EXOC4: variants seen among roughly 807,000 people sequenced by gnomAD.
EXOC4 encodes the protein exocyst complex component 4, also known as SEC8-like 1.
EXOC4 carries 71 observed loss-of-function variants against 107.2 expected under a neutral mutation model. The ratio of observed to expected loss-of-function variants is 0.66; its 90% CI spans 0.55 to 0.81. The LOEUF (loss-of-function observed/expected upper bound fraction) is 0.81. Among genes scored for constraint, EXOC4 ranks in the 30% least tolerant of loss-of-function variants. EXOC4 has a pLI of 0.00. For synonymous variants in EXOC4, 456 were observed against 441.2 expected, an observed-to-expected ratio of 1.03 and a Z score of -0.42; for missense variants, 1,108 against 1,189.6, an observed-to-expected ratio of 0.93 and a Z score of 1.01.
chr7:133,910,142 A>T (rs1799658734), intron 12 of EXOC4, among the ~76,000 whole-genome samples: 1 of 152,084 alleles, frequency 6.6e-6, no homozygotes, highest in African/African-American at 2.4e-5. Context: ...GGCTGGTCTC[A>T]AACTCCTGAC....
At chr7:133,397,495 A>G (rs1210183985) in intron 7 of EXOC4, among the ~76,000 whole-genome samples, 1 of 152,058 alleles carries the variant, frequency 6.6e-6, no homozygotes, top group African/African-American at 2.4e-5. Context: ...ATTAGTTCTT[A>G]GGCATTAAGG....
At chr7:133,353,057 T>C (rs996391828) in intron 5 of EXOC4, among the ~76,000 whole-genome samples, 3 of 152,114 alleles carry the variant, frequency 2.0e-5, no homozygotes, top group African/African-American at 2.4e-5. Context: ...AAAAACAAAA[T>C]GTGGATTTAT....
At chr7:133,563,481 A>G (rs1800847942) in intron 9 of EXOC4, among the ~76,000 whole-genome samples, 1 of 152,140 alleles carries the variant, frequency 6.6e-6, no homozygotes, top group South Asian at 2.1e-4. Context: ...GGTCACATGC[A>G]TTTGCTTGTG....
chr7:134,090,309 C>T, the EXOC4 span, among the ~76,000 whole-genome samples: 1 of 152,190 alleles, frequency 6.6e-6, no homozygotes. Flanking sequence ...CAAGGACATA[C>T]TTGGAAACCT....
At chr7:133,723,454 T>C (rs1353375551) in intron 10 of EXOC4, among the ~76,000 whole-genome samples, 1 of 151,460 alleles carries the variant, frequency 6.6e-6, no homozygotes, top group Non-Finnish European at 1.5e-5. Context: ...TTACCTCTTG[T>C]ACTTGATGGG....
chr7:133,903,281 T>G (rs1040684636), intron 12 of EXOC4, among the ~76,000 whole-genome samples: 23 of 152,338 alleles, frequency 1.5e-4, no homozygotes, highest in African/African-American at 5.5e-4. Flanking sequence ...AGCAGCATGA[T>G]CTTACATATA....
chr7:133,765,330 G>A (rs1343625792), intron 10 of EXOC4, among the ~76,000 whole-genome samples: 2 of 151,956 alleles, frequency 1.3e-5, no homozygotes, highest in Non-Finnish European at 2.9e-5. Flanking sequence ...AGAATAACAT[G>A]TATGACACAA....
intron 7 of EXOC4, among the ~76,000 whole-genome samples, chr7:133,437,586 C>T (rs937987904): frequency 2.0e-5 from 3 of 152,144 alleles, no homozygotes; most frequent in East Asian, 1.9e-4. Flanking sequence ...ATTTTAAGAT[C>T]GATAGGATAT....
chr7:133,536,320 C>T (rs1800268711), intron 9 of EXOC4, among the ~76,000 whole-genome samples: 1 of 152,058 alleles, frequency 6.6e-6, no homozygotes, highest in Non-Finnish European at 1.5e-5. Flanking sequence ...CCTCTGTTTG[C>T]CCCTCCCTCC....
chr7:133,994,270 G>A (rs756816771), intron 14 of EXOC4, among the ~76,000 whole-genome samples: 2 of 152,132 alleles, frequency 1.3e-5, no homozygotes, highest in Admixed American at 6.6e-5. Flanking sequence ...CAGCTTCATC[G>A]ATGTCCCTGC....
chr7:133,857,165 T>C (rs12537315), intron 11 of EXOC4, among the ~76,000 whole-genome samples: 2 of 12,242 alleles, frequency 1.6e-4, no homozygotes, highest in South Asian at 3.6e-3. Flanking sequence ...TATATATATA[T>C]ATATATATAT....
In EXOC4 at chr7:133,658,210, C is replaced by T. The variant is rs182779653; in HGVS notation, c.1514+28069C>T. On this transcript the variant is annotated intron_variant, in intron 10 of 17. Coordinates refer to ENST00000253861, the MANE Select transcript of EXOC4 (RefSeq NM_021807.4). Reference sequence around the variant, plus strand: ...AGAGCGAGAGAGATCCCAATACATCCGTGAGGACTGTTTGAGTCTAAGATC... The same window carrying T: ...AGAGCGAGAGAGATCCCAATACATCTGTGAGGACTGTTTGAGTCTAAGATC... Among the ~76,000 whole-genome samples the T allele has an allele frequency of 3.7e-3, 565 of 152,198 alleles. 4 individuals carry two copies. Among genetic ancestry groups the T allele is most frequent in the African/African-American group, 0.013 (527 of 41,552 alleles).
chr7:133,330,495 T>C (rs1795356643), intron 5 of EXOC4, among the ~76,000 whole-genome samples: 1 of 152,172 alleles, frequency 6.6e-6, no homozygotes, highest in Non-Finnish European at 1.5e-5. Flanking sequence ...TGCAGCTAGC[T>C]CAGTGTCTGC....
intron 17 of EXOC4, among the ~76,000 whole-genome samples, chr7:134,009,084 A>G (rs1045513461): frequency 3.3e-5 from 5 of 152,230 alleles, no homozygotes; most frequent in Non-Finnish European, 7.3e-5. Flanking sequence ...TTTGAAGATG[A>G]TAGATGATAA....
chr7:134,086,884 A>G, the EXOC4 span, among the ~76,000 whole-genome samples: 2 of 152,268 alleles, frequency 1.3e-5, no homozygotes, highest in African/African-American at 2.4e-5. Flanking sequence ...TTTTTAGACC[A>G]TATAGGGGAA....
At position 133,971,373 on chromosome 7, in the gene EXOC4, G is replaced by T. The variant is rs901184315; in HGVS notation, c.2207-26119G>T. On this transcript the variant is annotated intron_variant, in intron 14 of 17. Transcript: ENST00000253861. ...ATATATATATATATAGAGAGAGAGA[G>T]AGAGAGAGAGAGAGAGAGAGAGAGA... is the stretch of plus-strand genomic sequence containing the variant. 4.8e-3 allele frequency among the ~76,000 whole-genome samples: 589 copies of T among 121,748 alleles called. 1 individual carries two copies. The highest frequency in any genetic ancestry group is 0.014 in the East Asian group (54 of 3,760). 79.9% of individuals were successfully genotyped at this position (121,748 alleles called of 152,430 possible).
intron 7 of EXOC4, among the ~76,000 whole-genome samples, chr7:133,436,059 T>TG (rs1322254161): frequency 3.1e-4 from 45 of 146,604 alleles, no homozygotes; most frequent in East Asian, 1.0e-3. Flanking sequence ...TTTTTTTTTT[T>TG]TTGTTTTTTT....
chr7:133,431,247 T>G (rs749512111), intron 7 of EXOC4, among the ~76,000 whole-genome samples: 3 of 152,244 alleles, frequency 2.0e-5, no homozygotes, highest in Admixed American at 1.3e-4. Context: ...ATAGCTGTGC[T>G]TTGGGGGTTT....
rs528795273 is a variant in EXOC4 at position 133,458,825 on chromosome 7, A to G, written c.1183-16503A>G. ...TGGTACTTCTGCATGTTTAATTAAG[A>G]TGTTTAGTTCTTGTCAAGGCTGATA... On this transcript the variant is annotated intron_variant, in intron 7 of 17. Coordinates refer to ENST00000253861, the MANE Select transcript of EXOC4 (RefSeq NM_021807.4). Among the ~76,000 whole-genome samples, 316 of 152,262 alleles carry G rather than the reference A, an allele frequency of 2.1e-3. 1 individual carries two copies. The highest frequency in any genetic ancestry group is 6.9e-3 in the African/African-American group (288 of 41,540).
Sources: gnomAD v4.1 joint callset for allele counts (sites outside exome capture counted in the v4.1 genomes callset) on GRCh38, gnomAD v4.1.1 for gene constraint, MANE v1.5 for transcripts, NCBI Gene and HGNC (gene_info 2026-07-23, HGNC 2026-07-21) for gene names.